RCL1: variants seen among roughly 807,000 people sequenced by gnomAD.
The protein encoded by RCL1 is RNA 3'-terminal phosphate cyclase-like protein.
In RCL1, 24 loss-of-function variants were observed where a neutral mutation model predicts 42.4. That is an observed-to-expected ratio of 0.57 (90% CI 0.41 to 0.80). The LOEUF is 0.80. Ranked by LOEUF, RCL1 falls within the 30% of genes least tolerant of loss-of-function variation. The pLI is 0.00. For missense variants in RCL1, 578 were observed against 467.9 expected (o/e 1.24, Z -2.17); for synonymous variants, 228 against 177.3 (o/e 1.29, Z -2.27).
intron 5 of RCL1, among the ~76,000 whole-genome samples, chr9:4,838,746 T>A (rs1158284148): frequency 6.6e-6 from 1 of 152,116 alleles, no homozygotes; most frequent in Non-Finnish European, 1.5e-5. Flanking sequence ...ACCTGAAAAA[T>A]TTTCTGCAAG....
chr9:4,812,050 A>G (rs1816197650), intron 1 of RCL1, among the ~76,000 whole-genome samples: 1 of 152,006 alleles, frequency 6.6e-6, no homozygotes, highest in South Asian at 2.1e-4. Flanking sequence ...GATTATTTGT[A>G]TTTTTGTGTG....
intron 1 of RCL1, among the ~76,000 whole-genome samples, chr9:4,813,455 C>T (rs139994062): frequency 0.018 from 2,765 of 152,266 alleles, 49 homozygotes; most frequent in Admixed American, 0.029. Flanking sequence ...CATCACTGGC[C>T]ATCAGAGAAA....
intron 1 of RCL1, among the ~76,000 whole-genome samples, chr9:4,797,893 C>T (rs887841580): frequency 5.9e-5 from 9 of 152,116 alleles, no homozygotes; most frequent in Admixed American, 1.3e-4. Context: ...AGGATGGTCC[C>T]GGGCTGGTGA....
rs570431483 is a variant in RCL1, at chr9:4,834,071, C to G, written c.460-70C>G. The G allele has an allele frequency of 5.5e-5, 85 of 1,544,432 alleles. 1 individual carries two copies. In the South Asian group the frequency reaches 9.9e-4, roughly 18 times the overall value. ...GAAGCATCTGCTGGTGTAAACCTTC[C>G]TGGGCAGGGTGTCAGGGTAATCCAT... On this transcript the variant is annotated intron_variant, in intron 4 of 8. Coordinates refer to ENST00000381750, the MANE Select transcript of RCL1 (RefSeq NM_005772.5).
chr9:4,826,759 C>A, intron 2 of RCL1, 99 bp from the exon 3 acceptor site: 4 of 1,069,672 alleles, frequency 3.7e-6, no homozygotes, highest in Non-Finnish European at 1.4e-6. Flanking sequence ...TCTTGGATGC[C>A]CTTGTCAGGC....
intron 1 of RCL1, among the ~76,000 whole-genome samples, chr9:4,802,346 C>G (rs1468557044): frequency 6.6e-6 from 1 of 152,074 alleles, no homozygotes; most frequent in Non-Finnish European, 1.5e-5. Flanking sequence ...CTTTGCCTTT[C>G]AATATAAATT....
rs780566380 is a variant in RCL1 at position 4,834,169 on chromosome 9, G to T, written c.488G>T (p.Gly163Val). The part of the protein sequence containing the change: ...KIVRRGMPPG[G>V]GGEVVFSCPV... ...GTGCGACGGGGAATGCCTCCCGGAG[G>T]AGGAGGCGAAGTGGTTTTCTCATGT... The change falls in exon 5 of 9, where the codon GGA becomes GTA. Residue 163 changes from glycine to valine, a missense_variant. Gly to Val is a moderately radical substitution (Grantham distance 109). Transcript: ENST00000381750. The T allele has an allele frequency of 3.1e-6, 5 of 1,610,336 alleles. No individual in the cohort carries two copies. The Admixed American group carries it at 8.4e-5, about 27-fold the overall frequency.
At chr9:4,828,443 C>G (rs1206223729) in intron 3 of RCL1, among the ~76,000 whole-genome samples, 1 of 152,044 alleles carries the variant, frequency 6.6e-6, no homozygotes, top group Non-Finnish European at 1.5e-5. Context: ...GGAAATTCAG[C>G]TGCATAAACT....
chr9:4,827,117 G>C (rs755956000), intron 3 of RCL1, 84 bp downstream of exon 3: 1 of 1,588,910 alleles, frequency 6.3e-7, no homozygotes. Context: ...TTCCTTATAA[G>C]GCACAGTTTT....
intron 8 of RCL1, among the ~76,000 whole-genome samples, chr9:4,857,758 C>A (rs1215339871): frequency 6.6e-6 from 1 of 152,114 alleles, no homozygotes; most frequent in Non-Finnish European, 1.5e-5. Context: ...GTGGTTCTGC[C>A]TCCTCACCCA....
chr9:4,819,781 T>TG (rs1435496006), intron 1 of RCL1, among the ~76,000 whole-genome samples: 10 of 152,190 alleles, frequency 6.6e-5, no homozygotes, highest in East Asian at 1.9e-4. Flanking sequence ...CACTCCAGCC[T>TG]GGTGACAGAG....
intron 8 of RCL1, among the ~76,000 whole-genome samples, chr9:4,849,790 T>A (rs1363964165): frequency 6.6e-6 from 1 of 152,254 alleles, no homozygotes; most frequent in Non-Finnish European, 1.5e-5. Flanking sequence ...ATTGGGCAGT[T>A]ATTTTGTTCG....
chr9:4,806,048 GTGTGTGTGTGTGTGTT>G (rs1815946417), intron 1 of RCL1, among the ~76,000 whole-genome samples: 1 of 126,846 alleles, frequency 7.9e-6, no homozygotes, highest in African/African-American at 2.6e-5. Context: ...GTGTGTGTTT[GTGTGTGTGTGTGTGTT>G]TGTGTGTGTA....
chr9:4,808,473 A>G (rs1362495299), intron 1 of RCL1, among the ~76,000 whole-genome samples: 2 of 151,878 alleles, frequency 1.3e-5, no homozygotes, highest in African/African-American at 4.8e-5. Context: ...ATGCCTGGCT[A>G]ATTTTTGTAT....
chr9:4,805,438 C>T (rs187970759), intron 1 of RCL1, among the ~76,000 whole-genome samples: 1 of 152,054 alleles, frequency 6.6e-6, no homozygotes, highest in East Asian at 1.9e-4. Context: ...AACCAAAAAA[C>T]CCCAAATTTC....
intron 1 of RCL1, among the ~76,000 whole-genome samples, chr9:4,813,053 C>G (rs978785173): frequency 6.6e-6 from 1 of 152,100 alleles, no homozygotes; most frequent in East Asian, 1.9e-4. Context: ...TTTGGATGCC[C>G]TTTATTTCTG....
At chr9:4,836,314 G>A (rs1817127425) in intron 5 of RCL1, among the ~76,000 whole-genome samples, 1 of 151,386 alleles carries the variant, frequency 6.6e-6, no homozygotes, top group South Asian at 2.1e-4. Flanking sequence ...GACAGTTGGA[G>A]GGTGGGTGCT....
At chr9:4,805,841 A>G (rs2079174624) in intron 1 of RCL1, among the ~76,000 whole-genome samples, 1 of 151,866 alleles carries the variant, frequency 6.6e-6, no homozygotes. Flanking sequence ...AGTCTGGGGA[A>G]CTCAGAGTCT....
At chr9:4,808,906 C>T (rs78022296) in intron 1 of RCL1, among the ~76,000 whole-genome samples, 6,346 of 152,206 alleles carry the variant, frequency 0.042, 199 homozygotes, top group East Asian at 0.091. Context: ...TTTGGGGGAA[C>T]AACTCTTAAT....
Sources: allele counts gnomAD v4.1 joint callset (sites outside exome capture counted in the v4.1 genomes callset), GRCh38; gene constraint gnomAD v4.1.1; transcripts MANE v1.5; gene names NCBI Gene and HGNC (gene_info 2026-07-23, HGNC 2026-07-21).